Variants in PPP4R4 observed in about 807,000 individuals in gnomAD.
The protein encoded by PPP4R4 is serine/threonine-protein phosphatase 4 regulatory subunit 4.
PPP4R4 carries 70 observed loss-of-function variants against 121.8 expected under a neutral mutation model. The observed-to-expected ratio is 0.57, with a 90% CI of 0.47 to 0.70. PPP4R4 has a LOEUF of 0.70. PPP4R4 is among the 30% of genes least tolerant of loss of function. PPP4R4 has a pLI of 0.00. For synonymous variants in PPP4R4, 348 were observed against 355.7 expected (o/e 0.98, Z 0.24); for missense variants, 875 against 1,033.6 (o/e 0.85, Z 2.10).
intron 2 of PPP4R4, among the ~76,000 whole-genome samples, chr14:94,200,813 T>TTG (rs1890135557): frequency 1.3e-5 from 2 of 151,956 alleles, no homozygotes; most frequent in African/African-American, 2.4e-5. Context: ...GTATTTTTTT[T>TTG]TTGTTTCCCT....
At chr14:94,259,138 G>T (rs990466170) in intron 18 of PPP4R4, among the ~76,000 whole-genome samples, 157 bp from the exon 19 acceptor site, 1 of 152,060 alleles carries the variant, frequency 6.6e-6, no homozygotes, top group East Asian at 1.9e-4. Context: ...TCTCCCACCC[G>T]GTCCCTCCCA....
In PPP4R4 at chr14:94,230,597, A is replaced by T. The variant is rs754934946; in HGVS notation, c.305A>T (p.His102Leu). 3 of 1,611,858 alleles carry T rather than the reference A, an allele frequency of 1.9e-6. No individual in the cohort carries two copies. The highest frequency in any genetic ancestry group is 2.5e-6 in the Non-Finnish European group (3 of 1,178,132). Reference protein sequence around the residue: ...RVLPKVREALHVAGVEMQLTA... With the variant: ...RVLPKVREALLVAGVEMQLTA... ...TTTCTGATTATACAGGAAGCCCTGC[A>T]TGTTGCAGGAGTGGAAATGCAGTTA... is the stretch of plus-strand genomic sequence containing the variant. The change falls in exon 4 of 25, where the codon CAT (histidine) becomes CTT (leucine). Residue 102 changes from histidine (H) to leucine (L), a missense_variant. His to Leu is a moderately conservative substitution (Grantham distance 99). Coordinates refer to ENST00000304338, the MANE Select transcript of PPP4R4 (RefSeq NM_058237.2).
chr14:94,212,173 A>C (rs1890777201), intron 3 of PPP4R4, among the ~76,000 whole-genome samples: 1 of 152,160 alleles, frequency 6.6e-6, no homozygotes, highest in African/African-American at 2.4e-5. Flanking sequence ...ATGTATTATA[A>C]ACTTTCACCA....
intron 2 of PPP4R4, among the ~76,000 whole-genome samples, chr14:94,207,901 AG>A (rs1192076936): frequency 1.3e-5 from 2 of 151,956 alleles, no homozygotes; most frequent in Non-Finnish European, 2.9e-5. Flanking sequence ...TAATTTAAAA[AG>A]GAGTTATGTA....
intron 2 of PPP4R4, among the ~76,000 whole-genome samples, chr14:94,188,955 T>G (rs1889445191): frequency 6.6e-6 from 1 of 152,122 alleles, no homozygotes; most frequent in Non-Finnish European, 1.5e-5. Context: ...TCAATAAAAC[T>G]CAAAAAATTA....
At chr14:94,182,429 T>C (rs1195462296) in intron 2 of PPP4R4, among the ~76,000 whole-genome samples, 2 of 152,180 alleles carry the variant, frequency 1.3e-5, no homozygotes, top group East Asian at 3.8e-4. Flanking sequence ...CCTGTCCCAG[T>C]GCCCTGTACT....
chr14:94,205,895 T>C (rs909943402), intron 2 of PPP4R4, among the ~76,000 whole-genome samples: 1 of 152,004 alleles, frequency 6.6e-6, no homozygotes, highest in African/African-American at 2.4e-5. Context: ...GTTTGTTTTG[T>C]GGTCTGTCTT....
At position 94,264,973 on chromosome 14, in the gene PPP4R4, C is replaced by T. The variant is rs753226345; in HGVS notation, c.2197+26C>T. The T allele has an allele frequency of 6.6e-5, 96 of 1,448,634 alleles. No homozygotes were observed. The Middle Eastern group carries it at 7.0e-4, about 11-fold the overall frequency. 89.7% of individuals were successfully genotyped at this position (1,448,634 alleles called of 1,614,324 possible). ...GTAAGTAGTTTTTCTATGTCTTCAA[C>T]ACTTAATTACATAATTAATGTTGCA... On this transcript the variant is annotated intron_variant, in intron 20 of 24. Transcript: ENST00000304338.
chr14:94,178,887 A>G (rs565605349), intron 2 of PPP4R4, among the ~76,000 whole-genome samples: 3 of 152,188 alleles, frequency 2.0e-5, no homozygotes, highest in Non-Finnish European at 4.4e-5. Flanking sequence ...TTTATTATAG[A>G]AGAATCCTAA....
chr14:94,243,643 C>T (rs981144054), intron 11 of PPP4R4, among the ~76,000 whole-genome samples: 2 of 152,034 alleles, frequency 1.3e-5, no homozygotes, highest in African/African-American at 4.8e-5. Flanking sequence ...ATATGTTTCA[C>T]TGGTGGAAGT....
intron 14 of PPP4R4, 149 bp downstream of exon 14, chr14:94,246,688 G>A: frequency 1.2e-6 from 1 of 832,800 alleles, no homozygotes; most frequent in Non-Finnish European, 1.8e-6. Context: ...CAGAAGAGGG[G>A]ACTCAGGTTT....
intron 19 of PPP4R4, 62 bp from the exon 20 acceptor site, chr14:94,264,816 A>C: frequency 7.8e-7 from 1 of 1,275,640 alleles, no homozygotes; most frequent in Non-Finnish European, 1.1e-6. Flanking sequence ...TTAATTTCTC[A>C]GAACAATTTT....
Position 94,199,955 on chromosome 14 carries a change from A to G in PPP4R4, c.192-8509A>G, listed in dbSNP as rs1356229341. 3.3e-5 allele frequency among the ~76,000 whole-genome samples: 5 copies of G among 152,102 alleles called. No individual in the cohort carries two copies. The East Asian group carries it at 9.7e-4, about 30-fold the overall frequency. On this transcript the variant is annotated intron_variant, in intron 2 of 24. Transcript: ENST00000304338. ...GTGGTGGGCCAGGGTGGTCTTGGGAAATGGCAGAATTTGGACGTGAAGGCA... is the reference window on the plus strand; with the variant it reads ...GTGGTGGGCCAGGGTGGTCTTGGGAGATGGCAGAATTTGGACGTGAAGGCA...
intron 16 of PPP4R4, among the ~76,000 whole-genome samples, chr14:94,253,104 A>T (rs1893276513): frequency 6.6e-6 from 1 of 152,246 alleles, no homozygotes; most frequent in African/African-American, 2.4e-5. Context: ...TTTTTGTTGC[A>T]TATTTCTTGT....
At chr14:94,191,722 A>G (rs17751538) in intron 2 of PPP4R4, among the ~76,000 whole-genome samples, 19,316 of 152,168 alleles carry the variant, frequency 0.13, 1,364 homozygotes, top group Admixed American at 0.21. Context: ...ACTTTCGTAT[A>G]CTGTTTTGAC....
intron 2 of PPP4R4, among the ~76,000 whole-genome samples, chr14:94,201,903 G>C (rs1890203197): frequency 6.7e-6 from 1 of 150,050 alleles, no homozygotes; most frequent in Admixed American, 6.6e-5. Context: ...ATGCCCATCA[G>C]TCAATGAGTA....
Position 94,275,452 on chromosome 14 carries a change from G to A in PPP4R4, c.2528G>A (p.Arg843His), listed in dbSNP as rs770949450. 34 of 1,613,772 alleles carry A rather than the reference G, an allele frequency of 2.1e-5. No homozygotes were observed. The East Asian group carries it at 3.6e-4, about 17-fold the overall frequency. Residue 843 changes from arginine (R) to histidine (H), a missense_variant, in exon 24 of 25, where the codon CGT becomes CAT. Arg to His is a conservative substitution (Grantham distance 29). Transcript: ENST00000304338. The stretch of plus-strand genomic sequence containing the variant: ...AATACTCCCTTACCGAGTACTTCCC[G>A]TGGGACAGGTAACTCAGTTGACCCC... ...SPNTPLPSTS[R>H]GTGNSVDPKS...
At chr14:94,214,044 T>TA (rs1238778117) in intron 3 of PPP4R4, among the ~76,000 whole-genome samples, 1 of 152,214 alleles carries the variant, frequency 6.6e-6, no homozygotes, top group Admixed American at 6.5e-5. Flanking sequence ...TTTGTCAGTC[T>TA]AGTTTCTCAC....
At chr14:94,204,794 GT>G (rs1190744582) in intron 2 of PPP4R4, among the ~76,000 whole-genome samples, 1 of 152,102 alleles carries the variant, frequency 6.6e-6, no homozygotes, top group East Asian at 1.9e-4. Context: ...TATTTTGTTA[GT>G]TTTTTGGAGT....
Sources: allele counts gnomAD v4.1 joint callset (sites outside exome capture counted in the v4.1 genomes callset), GRCh38; gene constraint gnomAD v4.1.1; transcripts MANE v1.5; gene names NCBI Gene and HGNC (gene_info 2026-07-23, HGNC 2026-07-21).